Variants in TLE4 observed in about 807,000 individuals in gnomAD.
TLE4 encodes the protein transducin-like enhancer protein 4.
Under a neutral mutation model 92.8 loss-of-function variants are expected in TLE4, and 8 were observed. The observed-to-expected ratio is 0.09, with a 90% CI of 0.05 to 0.16. TLE4 has a LOEUF of 0.16. Ranked by LOEUF, TLE4 falls within the 10% of genes least tolerant of loss-of-function variation. TLE4 has a pLI of 1.00. For synonymous variants in TLE4, 371 were observed against 374.1 expected, an observed-to-expected ratio of 0.99 and a Z score of 0.10; for missense variants, 675 against 997.6, an observed-to-expected ratio of 0.68 and a Z score of 4.36.
intron 16 of TLE4, 151 bp downstream of exon 16, chr9:79,720,444 TACTAAAAATTGTTCAGAACAGG>T (rs2075432544): frequency 2.7e-6 from 3 of 1,108,052 alleles, no homozygotes; most frequent in Non-Finnish European, 3.6e-6. Flanking sequence ...ATAATTATCT[TACTAAAAATTGTTCAGAACAGG>T]TCCATTTTAA....
chr9:79,622,287 A>G (rs2051215470), intron 5 of TLE4, among the ~76,000 whole-genome samples: 2 of 152,156 alleles, frequency 1.3e-5, no homozygotes, highest in South Asian at 4.1e-4. Context: ...ATACCCAAGA[A>G]GGCCCTATGA....
chr9:79,580,773 A>G (rs1236018116), intron 4 of TLE4, among the ~76,000 whole-genome samples: 1 of 152,004 alleles, frequency 6.6e-6, no homozygotes, highest in Non-Finnish European at 1.5e-5. Context: ...AGAGTGAACT[A>G]TCATGGAAGA....
chr9:79,662,010 C>T (rs986131657), intron 8 of TLE4, among the ~76,000 whole-genome samples: 1 of 152,160 alleles, frequency 6.6e-6, no homozygotes, highest in Non-Finnish European at 1.5e-5. Flanking sequence ...CGCTCACGTG[C>T]GGTCCACCTT....
At chr9:79,710,632 C>T (rs2073032654) in intron 14 of TLE4, among the ~76,000 whole-genome samples, 1 of 152,192 alleles carries the variant, frequency 6.6e-6, no homozygotes, top group Admixed American at 6.5e-5. Context: ...TTTGTCCTTA[C>T]TGTCCTTCTT....
chr9:79,629,288 G>A (rs559984378), intron 6 of TLE4, among the ~76,000 whole-genome samples: 17 of 152,098 alleles, frequency 1.1e-4, no homozygotes, highest in Admixed American at 3.3e-4. Context: ...TTGTTTATGT[G>A]TTGGATGTTG....
At chr9:79,677,634 T>C (rs993241164) in intron 8 of TLE4, among the ~76,000 whole-genome samples, 3 of 147,200 alleles carry the variant, frequency 2.0e-5, no homozygotes, top group African/African-American at 7.6e-5. Context: ...TGTAAAACAA[T>C]TCTGCGTTTT....
At chr9:79,722,922 C>T (rs917971390) in intron 18 of TLE4, 37 bp from the exon 19 acceptor site, 2 of 1,595,358 alleles carry the variant, frequency 1.3e-6, no homozygotes, top group Middle Eastern at 1.7e-4. Context: ...GACAGAGTAA[C>T]ACAAACATTG....
intron 8 of TLE4, among the ~76,000 whole-genome samples, chr9:79,701,136 T>C (rs947046588): frequency 6.6e-6 from 1 of 152,210 alleles, no homozygotes; most frequent in African/African-American, 2.4e-5. Flanking sequence ...ATGGTGGACT[T>C]ACAAGATTCA....
Position 79,603,563 on chromosome 9 carries a change from C to A in TLE4, c.253-9093C>A, listed in dbSNP as rs144445275. Among the ~76,000 whole-genome samples, 433 of 152,004 alleles carry A rather than the reference C, an allele frequency of 2.8e-3. 3 individuals carry two copies. The highest frequency in any genetic ancestry group is 9.6e-3 in the African/African-American group (397 of 41,466). On this transcript the variant is annotated intron_variant, in intron 4 of 19. Coordinates refer to ENST00000376552, the MANE Select transcript of TLE4 (RefSeq NM_007005.6). ...GCTACTTCACACTTAAACTATAGTA[C>A]AAACATAACTTTTATGTTTGTACTA...
At chr9:79,710,697 T>C (rs1288545622) in intron 14 of TLE4, among the ~76,000 whole-genome samples, 2 of 152,244 alleles carry the variant, frequency 1.3e-5, no homozygotes, top group Non-Finnish European at 2.9e-5. Flanking sequence ...GATGTCATTA[T>C]GTCAGAGCGT....
rs371242781 is a variant in TLE4 at position 79,638,039 on chromosome 9, G to A, written c.390+10591G>A. ...AAAAATATTTGCCCGTAGCAGCGTG[G>A]GGACACATTCTAGGATGGTTGTTCA... On this transcript the variant is annotated intron_variant, in intron 6 of 19. Coordinates refer to ENST00000376552, the MANE Select transcript of TLE4 (RefSeq NM_007005.6). 3.3e-5 allele frequency among the ~76,000 whole-genome samples: 5 copies of A among 152,212 alleles called. No individual in the cohort carries two copies. The East Asian group carries it at 9.7e-4, about 29-fold the overall frequency.
intron 4 of TLE4, among the ~76,000 whole-genome samples, chr9:79,599,780 A>G (rs1564277756): frequency 6.6e-6 from 1 of 152,182 alleles, no homozygotes. Flanking sequence ...GCCACTTCTC[A>G]ACTTTTGAGT....
intron 4 of TLE4, among the ~76,000 whole-genome samples, chr9:79,582,080 C>G (rs1564124236): frequency 6.6e-6 from 1 of 152,078 alleles, no homozygotes; most frequent in Non-Finnish European, 1.5e-5. Flanking sequence ...ATGAGAGTGC[C>G]TACAGACAAG....
At chr9:79,581,335 C>T (rs1321911950) in intron 4 of TLE4, among the ~76,000 whole-genome samples, 9 of 152,178 alleles carry the variant, frequency 5.9e-5, no homozygotes. Context: ...GGAAGCAGAT[C>T]TGGAGGATGA....
chr9:79,663,933 C>T (rs1262528077), intron 8 of TLE4, among the ~76,000 whole-genome samples: 4 of 152,170 alleles, frequency 2.6e-5, no homozygotes, highest in Admixed American at 6.5e-5. Context: ...CTATAGTCCC[C>T]GAGACGCACT....
chr9:79,608,157 A>G (rs977767863), intron 4 of TLE4, among the ~76,000 whole-genome samples: 3 of 152,092 alleles, frequency 2.0e-5, no homozygotes, highest in African/African-American at 7.2e-5. Flanking sequence ...TGTTATTAAC[A>G]CTTTTGTAAA....
Position 79,726,334 on chromosome 9 carries a change from T to A in TLE4, c.*1190T>A, listed in dbSNP as rs1359976954. On this transcript the variant is annotated 3_prime_UTR_variant, in exon 20 of 20. Transcript: ENST00000376552. ...AAACTATAATATGTGACTTCTTTTT[T>A]TATTATTTTTTGTTTGAATGCTTTA... 6.5e-6 allele frequency: 1 copy of A among 152,684 alleles called. No homozygotes were observed. The highest frequency in any genetic ancestry group is 1.5e-5 in the Non-Finnish European group (1 of 68,046). 9.5% of individuals were successfully genotyped at this position (152,684 alleles called of 1,614,324 possible). A position where few individuals can be genotyped will look rare whatever the true frequency, so the allele number is the denominator to read the frequency against.
intron 17 of TLE4, 122 bp from the exon 18 acceptor site, chr9:79,722,329 C>G: frequency 8.1e-7 from 1 of 1,240,878 alleles, no homozygotes; most frequent in Non-Finnish European, 1.1e-6. Flanking sequence ...CTCCCCTGTA[C>G]AATTCAAATT....
At chr9:79,592,242 GCTT>G (rs1363104779) in intron 4 of TLE4, among the ~76,000 whole-genome samples, 283 of 60,318 alleles carry the variant, frequency 4.7e-3, no homozygotes, top group African/African-American at 6.3e-3. Context: ...TCTTCCTTCT[GCTT>G]CTTCTTCTTT....
Sources: gnomAD v4.1 joint callset for allele counts (sites outside exome capture counted in the v4.1 genomes callset) on GRCh38, gnomAD v4.1.1 for gene constraint, MANE v1.5 for transcripts, NCBI Gene and HGNC (gene_info 2026-07-23, HGNC 2026-07-21) for gene names.